The following TYW1B variants were observed in gnomAD, a reference collection of about 807,000 sequenced individuals.
TYW1B encodes tRNA-yW synthesizing protein 1 homolog B, also known as S-adenosyl-L-methionine-dependent tRNA 4-demethylwyosine synthase TYW1B.
A neutral mutation model predicts 86.9 loss-of-function variants in TYW1B; 73 were observed. That is an observed-to-expected ratio of 0.84 (90% confidence interval 0.70 to 1.02). The LOEUF is 1.02. Among genes scored for constraint, TYW1B ranks in the 50% least tolerant of loss-of-function variants. TYW1B has a pLI of 0.00. For missense variants in TYW1B, 637 were observed against 827.4 expected, an observed-to-expected ratio of 0.77 and a Z score of 2.82; for synonymous variants, 248 against 292.8, an observed-to-expected ratio of 0.85 and a Z score of 1.56.
intron 7 of TYW1B, among the ~76,000 whole-genome samples, chr7:72,760,250 A>G (rs1787664497): frequency 6.6e-6 from 1 of 152,244 alleles, no homozygotes; most frequent in Non-Finnish European, 1.5e-5. Context: ...ATCTGAAACT[A>G]CAAAAAAGTG....
At chr7:72,755,104 CAA>C (rs1270917987) in intron 7 of TYW1B, among the ~76,000 whole-genome samples, 2 of 152,012 alleles carry the variant, frequency 1.3e-5, no homozygotes, top group African/African-American at 2.4e-5. Context: ...ACACTGCTAT[CAA>C]GAGTAGATGG....
chr7:72,590,972 CAG>C (rs1811382944), intron 13 of TYW1B, among the ~76,000 whole-genome samples: 1 of 151,696 alleles, frequency 6.6e-6, no homozygotes, highest in African/African-American at 2.4e-5. Flanking sequence ...ATGAACAAAA[CAG>C]AAATATCAAT....
In TYW1B at chr7:72,610,000, G is replaced by A. The variant is rs142789141; in HGVS notation, c.1785+6672C>T. Among the ~76,000 whole-genome samples the A allele has an allele frequency of 8.7e-4, 132 of 152,244 alleles. 1 individual carries two copies. The highest frequency in any genetic ancestry group is 3.0e-3 in the African/African-American group (125 of 41,532). ...GGTATCTTGAATTTTAAAGAGGAGC[G>A]CAGTGACACTGGACATCTGTTGGGC... On this transcript the variant is annotated intron_variant, in intron 13 of 13. Coordinates refer to ENST00000620995, the MANE Select transcript of TYW1B (RefSeq NM_001145440.3).
At position 72,796,526 on chromosome 7, in the gene TYW1B, G is replaced by A. The variant is rs546343022; in HGVS notation, c.846+5874C>T. Among the ~76,000 whole-genome samples, 18 of 151,220 alleles carry A rather than the reference G, an allele frequency of 1.2e-4. 1 individual carries two copies. The highest frequency in any genetic ancestry group is 4.2e-4 in the South Asian group (2 of 4,762). ...GCTGGGATTACAGGCATGAGCCACC[G>A]CGCCAGGCCAACTAATTTTTTTTTT... On this transcript the variant is annotated intron_variant, in intron 6 of 13. Transcript: ENST00000620995.
At chr7:72,730,552 A>G in intron 8 of TYW1B, among the ~76,000 whole-genome samples, 1 of 149,926 alleles carries the variant, frequency 6.7e-6, no homozygotes, top group African/African-American at 2.5e-5. Flanking sequence ...GGAAGGAAGA[A>G]AAAGAAGAAA....
chr7:72,814,075 T>G (rs1220613195), intron 3 of TYW1B, among the ~76,000 whole-genome samples: 2 of 151,904 alleles, frequency 1.3e-5, no homozygotes, highest in Non-Finnish European at 2.9e-5. Context: ...AAGAGATTTC[T>G]CTGATTCCGA....
intron 11 of TYW1B, among the ~76,000 whole-genome samples, chr7:72,639,511 G>A (rs1554441236): frequency 1.3e-5 from 2 of 152,050 alleles, no homozygotes; most frequent in Non-Finnish European, 2.9e-5. Flanking sequence ...AGAGACATAG[G>A]AAAGACTGAA....
At chr7:72,819,240 T>C (rs569742536) in intron 2 of TYW1B, among the ~76,000 whole-genome samples, 82 of 152,148 alleles carry the variant, frequency 5.4e-4, no homozygotes, top group African/African-American at 2.0e-3. Context: ...GACTCAAGCA[T>C]TGACTCTTGA....
chr7:72,596,653 CAT>C (rs1811539020), intron 13 of TYW1B, among the ~76,000 whole-genome samples: 1 of 152,072 alleles, frequency 6.6e-6, no homozygotes, highest in Admixed American at 6.6e-5. Flanking sequence ...AAGACCTAAA[CAT>C]AAGACTTAAA....
chr7:72,587,955 A>C (rs1176719046), intron 13 of TYW1B, among the ~76,000 whole-genome samples: 7 of 152,182 alleles, frequency 4.6e-5, no homozygotes, highest in Non-Finnish European at 1.0e-4. Flanking sequence ...TGGTTTCATT[A>C]CAGTGGTATC....
chr7:72,801,298 C>T (rs1477765801), intron 6 of TYW1B, among the ~76,000 whole-genome samples: 1 of 152,136 alleles, frequency 6.6e-6, no homozygotes, highest in Admixed American at 6.6e-5. Flanking sequence ...CACTGCGCTC[C>T]AGCCTGGGTG....
At position 72,749,861 on chromosome 7, in the gene TYW1B, CTACAGA is replaced by C. The variant is rs575422900; in HGVS notation, c.965-5266_965-5261del. 1.2e-3 allele frequency among the ~76,000 whole-genome samples: 176 copies of C among 149,672 alleles called. 2 individuals are homozygous for C. The highest frequency in any genetic ancestry group is 6.1e-3 in the South Asian group (29 of 4,744). On this transcript the variant is annotated intron_variant, in intron 7 of 13. Coordinates refer to ENST00000620995, the MANE Select transcript of TYW1B (RefSeq NM_001145440.3). ...TTCTGAGAACTGCTTGAGCTGCATC[CTACAGA>C]TACGTTTAATTCTCATTTTCATTAA...
intron 13 of TYW1B, among the ~76,000 whole-genome samples, chr7:72,590,321 T>A (rs141247708): frequency 1.3e-5 from 2 of 152,146 alleles, no homozygotes; most frequent in Non-Finnish European, 2.9e-5. Context: ...AGAGCCAGGA[T>A]AGGCAATAAG....
In TYW1B at chr7:72,776,997, C is replaced by G. The variant is rs550299147; in HGVS notation, c.964+419G>C. Reference sequence around the variant, plus strand: ...CGGTCTACTGATTCCCATTTTACTACTCTTTCCTCCACAGGAAACTAATAT... The same window carrying G: ...CGGTCTACTGATTCCCATTTTACTAGTCTTTCCTCCACAGGAAACTAATAT... On this transcript the variant is annotated intron_variant, in intron 7 of 13. Transcript: ENST00000620995. Among the ~76,000 whole-genome samples, 11 of 152,178 alleles carry G rather than the reference C, an allele frequency of 7.2e-5. No homozygotes were observed. The South Asian group carries it at 2.3e-3, about 32-fold the overall frequency.
chr7:72,574,552 A>T lies in TYW1B; in HGVS notation c.*946T>A, dbSNP rs1366817115. The stretch of plus-strand genomic sequence containing the variant: ...TATTTTATTAATTCAATTTTTGCAT[A>T]AAAGACTGTTAAAAGAATTTGCTAA... On this transcript the variant is annotated 3_prime_UTR_variant, in exon 14 of 14. Transcript: ENST00000620995. The T allele has an allele frequency of 1.0e-5, 10 of 980,142 alleles. No individual in the cohort carries two copies. In the Admixed American group the frequency reaches 4.3e-4, roughly 42 times the overall value. The allele number at this position is 980,142 out of a possible 1,614,324, so 60.7% of individuals were successfully genotyped here. A position where few individuals can be genotyped will look rare whatever the true frequency, so the allele number is the denominator to read the frequency against.
At chr7:72,812,036 A>T (rs1170609088) in intron 3 of TYW1B, among the ~76,000 whole-genome samples, 2 of 151,996 alleles carry the variant, frequency 1.3e-5, no homozygotes, top group African/African-American at 4.8e-5. Flanking sequence ...ACTTGGCACC[A>T]TTATCTAAAC....
At chr7:72,622,631 ACACACACACATACAGACACATAC>A (rs1554438139) in intron 12 of TYW1B, among the ~76,000 whole-genome samples, 2 of 151,884 alleles carry the variant, frequency 1.3e-5, no homozygotes, top group East Asian at 3.9e-4. Flanking sequence ...ACAAACACAA[ACACACACACATACAGACACATAC>A]CACACACACA....
intron 13 of TYW1B, among the ~76,000 whole-genome samples, chr7:72,602,605 G>C (rs1371009260): frequency 2.0e-5 from 3 of 152,070 alleles, no homozygotes; most frequent in African/African-American, 7.2e-5. Flanking sequence ...TTACAATGGG[G>C]TTATGTTCTG....
rs1233848434 is a variant in TYW1B, at chr7:72,771,996, T to C, written c.964+5420A>G. On this transcript the variant is annotated intron_variant, in intron 7 of 13. Coordinates refer to ENST00000620995, the MANE Select transcript of TYW1B (RefSeq NM_001145440.3). The stretch of plus-strand genomic sequence containing the variant: ...CACGTAATTGGGACTACAGTTGTGC[T>C]TCACCCTGCCAGGCTGATTTTTTTG... 1.3e-5 allele frequency among the ~76,000 whole-genome samples: 2 copies of C among 151,784 alleles called. 1 individual carries two copies. Among genetic ancestry groups the C allele is most frequent in the South Asian group, 4.2e-4 (2 of 4,798 alleles).
Sources: allele counts gnomAD v4.1 joint callset (sites outside exome capture counted in the v4.1 genomes callset), GRCh38; gene constraint gnomAD v4.1.1; transcripts MANE v1.5; gene names NCBI Gene and HGNC (gene_info 2026-07-23, HGNC 2026-07-21).